DENND3: variants seen among roughly 807,000 people sequenced by gnomAD.
The protein encoded by DENND3 is DENN domain containing 3.
A neutral mutation model predicts 135.1 loss-of-function variants in DENND3; 88 were observed. The ratio of observed to expected loss-of-function variants is 0.65; its 90% CI spans 0.55 to 0.78. DENND3 has a LOEUF of 0.78. Ranked by LOEUF, DENND3 falls within the 30% of genes least tolerant of loss-of-function variation. DENND3 has a pLI of 0.00. For synonymous variants in DENND3, 693 were observed against 712.3 expected, an observed-to-expected ratio of 0.97 and a Z score of 0.43; for missense variants, 1,392 against 1,688.4, an observed-to-expected ratio of 0.82 and a Z score of 3.08.
Position 141,174,324 on chromosome 8 carries a change from T to C in DENND3, c.2276-876T>C, listed in dbSNP as rs1437469900. ...AGCAGGCTGTGAGTGCGGGTGGCTC[T>C]GAAGGCAGGAGCCACTGAGGAGGGT... On this transcript the variant is annotated intron_variant, in intron 13 of 22. Coordinates refer to ENST00000519811, the MANE Select transcript of DENND3 (RefSeq NM_001352890.3). The surrounding 1 kb of genome is among the most constrained non-coding windows in gnomAD (Gnocchi z 4.6). Among the ~76,000 whole-genome samples, 1 of 152,146 alleles carries C rather than the reference T, an allele frequency of 6.6e-6. No individual in the cohort carries two copies. The highest frequency in any genetic ancestry group is 1.5e-5 in the Non-Finnish European group (1 of 68,026).
In DENND3 at chr8:141,175,559, A is replaced by T; in HGVS notation, c.2535+100A>T. 1 of 1,586,788 alleles carries T rather than the reference A, an allele frequency of 6.3e-7. No homozygotes were observed. The highest frequency in any genetic ancestry group is 8.6e-7 in the Non-Finnish European group (1 of 1,162,422). The stretch of plus-strand genomic sequence containing the variant: ...CAGTCTGCCAGCCATGCCAAGTACC[A>T]GCTGCAGCCCTTCTGCAGACCGAAT... On this transcript the variant is annotated intron_variant, in intron 14 of 22. Coordinates refer to ENST00000519811, the MANE Select transcript of DENND3 (RefSeq NM_001352890.3). The surrounding 1 kb of genome is among the most constrained non-coding windows in gnomAD (Gnocchi z 5.4).
chr8:141,189,796 G>A (rs762200773), intron 19 of DENND3, among the ~76,000 whole-genome samples: 16 of 152,208 alleles, frequency 1.1e-4, no homozygotes, highest in Non-Finnish European at 7.3e-5. Flanking sequence ...GGAGGTTCAG[G>A]GGTGGCGCAG....
chr8:141,170,065 G>A (rs1201392045), intron 13 of DENND3, among the ~76,000 whole-genome samples: 1 of 152,192 alleles, frequency 6.6e-6, no homozygotes, highest in African/African-American at 2.4e-5. Flanking sequence ...CTCGACTCTC[G>A]CCCGTTGTGA....
chr8:141,135,354 G>A (rs1406095857), intron 1 of DENND3, among the ~76,000 whole-genome samples: 1 of 151,750 alleles, frequency 6.6e-6, no homozygotes, highest in East Asian at 1.9e-4. Context: ...GTCTCATTTT[G>A]TTGCCCAGGC....
At chr8:141,149,412 T>TA (rs1445588707) in intron 5 of DENND3, among the ~76,000 whole-genome samples, 4 of 152,214 alleles carry the variant, frequency 2.6e-5, no homozygotes, top group Admixed American at 6.5e-5. Context: ...CTACTGGTCA[T>TA]AAAAAATCAC....
At chr8:141,185,413 T>A in intron 18 of DENND3, 135 bp downstream of exon 18, 1 of 1,173,114 alleles carries the variant, frequency 8.5e-7, no homozygotes, top group Non-Finnish European at 1.2e-6. Context: ...CAGGGGGTCT[T>A]AACTTTCACC....
At position 141,136,711 on chromosome 8, in the gene DENND3, C is replaced by T. The variant is rs1294103653; in HGVS notation, c.305C>T (p.Pro102Leu). 1.2e-6 allele frequency: 2 copies of T among 1,611,848 alleles called. No homozygotes were observed. The highest frequency in any genetic ancestry group is 1.1e-5 in the South Asian group (1 of 90,546). ...RPEQWKGLPG[P>L]PRAPEPEDVA... ...GAGCAGTGGAAGGGCCTCCCGGGGC[C>T]CCCCAGAGCGCCAGAGCCTGAGGAT... Residue 102 changes from proline (P) to leucine (L), a missense_variant, in exon 2 of 23, where the codon CCC becomes CTC. By Grantham distance (98) the Pro-to-Leu change is moderately conservative. Coordinates refer to ENST00000519811, the MANE Select transcript of DENND3 (RefSeq NM_001352890.3).
In DENND3 at chr8:141,168,712, G is replaced by A. The variant is rs528972434; in HGVS notation, c.2275+187G>A. On this transcript the variant is annotated intron_variant, in intron 13 of 22. Coordinates refer to ENST00000519811, the MANE Select transcript of DENND3 (RefSeq NM_001352890.3). The surrounding 1 kb of genome is among the most constrained non-coding windows in gnomAD (Gnocchi z 6.2). Reference sequence around the variant, plus strand: ...ACTACAGGTACGCGACACCGTGCCCGGCTAATTTTAGTATTTTTTGTAGAG... The same window carrying A: ...ACTACAGGTACGCGACACCGTGCCCAGCTAATTTTAGTATTTTTTGTAGAG... Among the ~76,000 whole-genome samples the A allele has an allele frequency of 2.6e-5, 4 of 152,098 alleles. No homozygotes were observed. Among genetic ancestry groups the A allele is most frequent in the African/African-American group, 9.6e-5 (4 of 41,494 alleles).
In DENND3 at chr8:141,137,806, G is replaced by A. The variant is rs1816950327; in HGVS notation, c.386-216G>A. On this transcript the variant is annotated intron_variant, in intron 2 of 22. Transcript: ENST00000519811. The surrounding 1 kb of genome is among the most constrained non-coding windows in gnomAD (Gnocchi z 4.1). ...CAAGCACTGCCACTGGCTGGCAGGT[G>A]CTTGAGAGCTTGTAAAGAAATTGCT... Among the ~76,000 whole-genome samples, 1 of 152,226 alleles carries A rather than the reference G, an allele frequency of 6.6e-6. No individual in the cohort carries two copies. Among genetic ancestry groups the A allele is most frequent in the African/African-American group, 2.4e-5 (1 of 41,458 alleles).
At chr8:141,177,468 G>A (rs1055253439) in intron 15 of DENND3, 1 of 152,404 alleles carries the variant, frequency 6.6e-6, no homozygotes, top group African/African-American at 2.4e-5. Flanking sequence ...GAGAAATGCC[G>A]GGGACGATGG....
chr8:141,157,061 C>T (rs945934122), intron 8 of DENND3, among the ~76,000 whole-genome samples: 1 of 152,188 alleles, frequency 6.6e-6, no homozygotes, highest in Non-Finnish European at 1.5e-5. Context: ...GGATTACAGG[C>T]ATGAACCACT....
intron 13 of DENND3, chr8:141,173,631 G>A (rs982722577): frequency 6.6e-6 from 1 of 152,250 alleles, no homozygotes; most frequent in Non-Finnish European, 1.5e-5. Context: ...AGGCATCGCT[G>A]TTGACGCTTT....
intron 16 of DENND3, among the ~76,000 whole-genome samples, chr8:141,178,409 A>G (rs540526404): frequency 6.0e-4 from 92 of 152,330 alleles, no homozygotes; most frequent in African/African-American, 2.1e-3. Flanking sequence ...TGCGCATCCA[A>G]TTGAGGCACC....
Position 141,175,807 on chromosome 8 carries a change from G to A in DENND3, c.2535+348G>A, listed in dbSNP as rs1308752923. 2.9e-6 allele frequency: 1 copy of A among 339,722 alleles called. No individual in the cohort carries two copies. Among genetic ancestry groups the A allele is most frequent in the African/African-American group, 2.1e-5 (1 of 47,246 alleles). The allele number at this position is 339,722 out of a possible 1,614,324, so 21.0% of individuals were successfully genotyped here. A position where few individuals can be genotyped will look rare whatever the true frequency, so the allele number is the denominator to read the frequency against. On this transcript the variant is annotated intron_variant, in intron 14 of 22. Coordinates refer to ENST00000519811, the MANE Select transcript of DENND3 (RefSeq NM_001352890.3). The surrounding 1 kb of genome is among the most constrained non-coding windows in gnomAD (Gnocchi z 5.4). ...TTCGTTCATCCATGAGATGTTTACT[G>A]AGAAACTGCCATGTGCCAGCCACGG...
Position 141,174,194 on chromosome 8 carries a change from C to G in DENND3, c.2276-1006C>G, listed in dbSNP as rs1822023335. Reference sequence around the variant, plus strand: ...GTGGGGTGGGTAGGTGGGGCCCAATCTTGGAAGAATGTGGCTGTGGTATAC... The same window carrying G: ...GTGGGGTGGGTAGGTGGGGCCCAATGTTGGAAGAATGTGGCTGTGGTATAC... On this transcript the variant is annotated intron_variant, in intron 13 of 22. Coordinates refer to ENST00000519811, the MANE Select transcript of DENND3 (RefSeq NM_001352890.3). The surrounding 1 kb of genome is among the most constrained non-coding windows in gnomAD (Gnocchi z 4.6). 6.6e-6 allele frequency among the ~76,000 whole-genome samples: 1 copy of G among 152,064 alleles called. No homozygotes were observed. The highest frequency in any genetic ancestry group is 2.1e-4 in the South Asian group (1 of 4,828).
In DENND3 at chr8:141,192,625, T is replaced by A. The variant is rs199526571; in HGVS notation, c.3598T>A (p.Cys1200Ser). 6.2e-7 allele frequency: 1 copy of A among 1,601,888 alleles called. No individual in the cohort carries two copies. The highest frequency in any genetic ancestry group is 2.2e-5 in the East Asian group (1 of 44,638). Residue 1200 changes from cysteine (C) to serine (S), a missense_variant, in exon 22 of 23, where the codon TGC becomes AGC. Physicochemically the swap from Cys to Ser is moderately radical, Grantham distance 112. Coordinates refer to ENST00000519811, the MANE Select transcript of DENND3 (RefSeq NM_001352890.3). ...QPPQRVPLED[C>S]SEINCMIRVK... is the part of the protein sequence containing the mutation. Reference sequence around the variant, plus strand: ...CCCGCAGAGGGTGCCCCTCGAGGACTGCTCTGAGATCAACTGCATGATCCG... The same window carrying A: ...CCCGCAGAGGGTGCCCCTCGAGGACAGCTCTGAGATCAACTGCATGATCCG...
intron 20 of DENND3, 178 bp from the exon 21 acceptor site, chr8:141,192,153 G>T (rs1199611583): frequency 3.1e-6 from 2 of 643,948 alleles, no homozygotes; most frequent in Non-Finnish European, 2.4e-6. Flanking sequence ...AAAGACCCAG[G>T]GTTCTAGCTT....
rs1825133377 is a variant in DENND3, at chr8:141,194,321, G to T, written c.*88G>T. The T allele has an allele frequency of 4.7e-6, 7 of 1,491,432 alleles. No homozygotes were observed. The highest frequency in any genetic ancestry group is 6.4e-6 in the Non-Finnish European group (7 of 1,100,144). 92.4% of individuals were successfully genotyped at this position (1,491,432 alleles called of 1,614,324 possible). On this transcript the variant is annotated 3_prime_UTR_variant, in exon 23 of 23. Transcript: ENST00000519811. ...CCTGCCAGGAGCAGAAGCCTGGAGG[G>T]GTGGCAGGGCAGAGCAGCCCAGGCT...
chr8:141,185,518 AAC>A (rs924210479), intron 18 of DENND3: 45 of 465,178 alleles, frequency 9.7e-5, no homozygotes, highest in Non-Finnish European at 1.5e-4. Context: ...CTCATCTAAA[AAC>A]AGATTTCAGG....
Sources: allele counts gnomAD v4.1 joint callset (sites outside exome capture counted in the v4.1 genomes callset), GRCh38; gene constraint gnomAD v4.1.1; non-coding constraint Gnocchi (gnomAD v3.1); transcripts MANE v1.5; gene names NCBI Gene and HGNC (gene_info 2026-07-23, HGNC 2026-07-21).